SPOCK3: variants seen among roughly 807,000 people sequenced by gnomAD.
SPOCK3 encodes the protein SPARC (osteonectin), cwcv and kazal like domains proteoglycan 3, also known as testican-3.
In SPOCK3, 30 loss-of-function variants were observed where a neutral mutation model predicts 56.6. That is an observed-to-expected ratio of 0.53 (90% CI 0.40 to 0.72). The LOEUF (loss-of-function observed/expected upper bound fraction) is 0.72. SPOCK3 is among the 30% of genes least tolerant of loss of function. The pLI, the probability that SPOCK3 is intolerant of heterozygous loss-of-function variation, is 0.00. For missense variants in SPOCK3, 527 were observed against 530.0 expected (o/e 0.99, Z 0.06); for synonymous variants, 196 against 183.3 (o/e 1.07, Z -0.56).
At chr4:166,906,421 C>T (rs1417199494) in intron 5 of SPOCK3, among the ~76,000 whole-genome samples, 15 of 150,450 alleles carry the variant, frequency 1.0e-4, no homozygotes, top group Admixed American at 9.3e-4. Flanking sequence ...TTTCCCATCT[C>T]TGCTTCTCAA....
intron 2 of SPOCK3, among the ~76,000 whole-genome samples, chr4:167,194,156 T>C (rs1305996587): frequency 8.0e-6 from 1 of 125,724 alleles, no homozygotes; most frequent in Non-Finnish European, 1.7e-5. Flanking sequence ...TTGAGTTCAC[T>C]GATTCTTTTA....
In SPOCK3 at chr4:167,205,310, T is replaced by TAG. The variant is rs1734007188; in HGVS notation, c.189+28674_189+28675insCT. Among the ~76,000 whole-genome samples the TAG allele has an allele frequency of 5.3e-5, 3 of 56,852 alleles. 1 individual carries two copies. The highest frequency in any genetic ancestry group is 2.2e-4 in the African/African-American group (3 of 13,760). The allele number at this position is 56,852 out of a possible 152,430, so 37.3% of individuals were successfully genotyped here. ...TATTTTATATCTATAATATATATTA[T>TAG]ATATTTTATATATATAATATATATT... On this transcript the variant is annotated intron_variant, in intron 2 of 10. Coordinates refer to ENST00000357545, the MANE Select transcript of SPOCK3 (RefSeq NM_001040159.2).
intron 6 of SPOCK3, among the ~76,000 whole-genome samples, chr4:166,888,737 TTGAC>T (rs1415347583): frequency 1.3e-5 from 2 of 152,050 alleles, no homozygotes; most frequent in Admixed American, 1.3e-4. Flanking sequence ...TTAGTATTAA[TTGAC>T]TGAGCAGTTG....
rs1732434084 is a variant in SPOCK3 at position 167,191,069 on chromosome 4, G to T, written c.189+42916C>A. ...GAAATCAGGAAGTGTAAGGCTTCCAGCTTTGTTCTTCTTTCTAATCACTAT... is the reference window on the plus strand; with the variant it reads ...GAAATCAGGAAGTGTAAGGCTTCCATCTTTGTTCTTCTTTCTAATCACTAT... On this transcript the variant is annotated intron_variant, in intron 2 of 10. Coordinates refer to ENST00000357545, the MANE Select transcript of SPOCK3 (RefSeq NM_001040159.2). 4.1e-5 allele frequency among the ~76,000 whole-genome samples: 6 copies of T among 145,480 alleles called. 3 individuals are homozygous for T. In the Admixed American group the frequency reaches 4.2e-4, roughly 10 times the overall value.
At chr4:167,049,999 C>G (rs1580123977) in intron 3 of SPOCK3, among the ~76,000 whole-genome samples, 1 of 152,314 alleles carries the variant, frequency 6.6e-6, no homozygotes, top group East Asian at 1.9e-4. Flanking sequence ...CTCCGCTACA[C>G]CACTTACTAG....
chr4:167,148,980 ATTAAT>A (rs1340533437), intron 2 of SPOCK3, among the ~76,000 whole-genome samples: 1 of 152,166 alleles, frequency 6.6e-6, no homozygotes, highest in Non-Finnish European at 1.5e-5. Flanking sequence ...TGAAGGATGT[ATTAAT>A]TTGAGTAATT....
chr4:167,118,409 CTTAA>C (rs1761606380), intron 2 of SPOCK3, among the ~76,000 whole-genome samples: 1 of 152,116 alleles, frequency 6.6e-6, no homozygotes, highest in South Asian at 2.1e-4. Context: ...AAAGTTCACT[CTTAA>C]TTAAATAAAT....
Position 166,889,230 on chromosome 4 carries a change from A to C in SPOCK3, c.489T>G (p.Tyr163Ter), listed in dbSNP as rs1412283511. ...TCTGTTTTCCTAAGACACATGCCTG[A>C]TATTCTAGTTTGCACTGTATAAAAA... ...HTYSFQCKLE[Y>*]QACVLGKQIS... The change falls in exon 6 of 11, where the codon TAT becomes TAG. Residue 163 changes from tyrosine (Y) to a stop codon, truncating the protein, a stop_gained. Transcript: ENST00000357545. LOFTEE classifies it high-confidence loss of function. 1 of 1,607,418 alleles carries C rather than the reference A, an allele frequency of 6.2e-7. No homozygotes were observed.
At chr4:166,747,663 G>A (rs951490205) in intron 8 of SPOCK3, among the ~76,000 whole-genome samples, 2 of 152,102 alleles carry the variant, frequency 1.3e-5, no homozygotes, top group African/African-American at 2.4e-5. Flanking sequence ...GGAAATAAAG[G>A]ATATTCAATT....
chr4:166,947,590 T>A (rs1456608856), intron 4 of SPOCK3, among the ~76,000 whole-genome samples: 1 of 152,114 alleles, frequency 6.6e-6, no homozygotes, highest in East Asian at 1.9e-4. Flanking sequence ...CATTGGCAAT[T>A]TAAAAAAAAG....
chr4:166,787,470 A>T (rs1740853089), intron 7 of SPOCK3, among the ~76,000 whole-genome samples: 1 of 152,052 alleles, frequency 6.6e-6, no homozygotes, highest in South Asian at 2.1e-4. Flanking sequence ...TAATTTTCTG[A>T]TTTTAATTAC....
intron 3 of SPOCK3, among the ~76,000 whole-genome samples, chr4:167,059,710 T>C (rs1755363224): frequency 1.3e-5 from 2 of 152,192 alleles, no homozygotes; most frequent in South Asian, 4.1e-4. Context: ...CACCTATGTT[T>C]ATTGCGGCAC....
At chr4:167,205,224 T>A (rs1561320680) in intron 2 of SPOCK3, among the ~76,000 whole-genome samples, 3 of 98,542 alleles carry the variant, frequency 3.0e-5, no homozygotes, top group African/African-American at 8.3e-5. Context: ...ATTATATATT[T>A]TATATCTATA....
chr4:166,766,318 G>C (rs1738043674), intron 7 of SPOCK3, among the ~76,000 whole-genome samples: 2 of 152,116 alleles, frequency 1.3e-5, no homozygotes, highest in South Asian at 4.1e-4. Flanking sequence ...GATATTGGCT[G>C]TTGGTTTGTC....
At chr4:166,993,323 A>G (rs917306601) in intron 4 of SPOCK3, among the ~76,000 whole-genome samples, 3 of 152,194 alleles carry the variant, frequency 2.0e-5, no homozygotes, top group Non-Finnish European at 4.4e-5. Flanking sequence ...TCTAGTGCCT[A>G]TGAATCCTTC....
intron 5 of SPOCK3, among the ~76,000 whole-genome samples, chr4:166,909,399 C>T (rs1338486360): frequency 6.6e-6 from 1 of 152,080 alleles, no homozygotes; most frequent in Non-Finnish European, 1.5e-5. Context: ...CACCTGACCT[C>T]ACCTCCAGTT....
At chr4:166,767,296 G>C (rs1363556226) in intron 7 of SPOCK3, among the ~76,000 whole-genome samples, 1 of 151,776 alleles carries the variant, frequency 6.6e-6, no homozygotes, top group Non-Finnish European at 1.5e-5. Context: ...GTCAATTTTA[G>C]CTCTTTCCTG....
At chr4:166,941,701 C>T (rs897740846) in intron 4 of SPOCK3, among the ~76,000 whole-genome samples, 1 of 152,146 alleles carries the variant, frequency 6.6e-6, no homozygotes, top group African/African-American at 2.4e-5. Context: ...ACTGTGGTTG[C>T]CCTCAGTGGG....
intron 7 of SPOCK3, among the ~76,000 whole-genome samples, chr4:166,777,369 T>A (rs1739672399): frequency 6.6e-6 from 1 of 152,198 alleles, no homozygotes; most frequent in Non-Finnish European, 1.5e-5. Flanking sequence ...TGCCAGCATG[T>A]ACATGTATAC....
Sources: gnomAD v4.1 joint callset for allele counts (sites outside exome capture counted in the v4.1 genomes callset) on GRCh38, gnomAD v4.1.1 for gene constraint, MANE v1.5 for transcripts, NCBI Gene and HGNC (gene_info 2026-07-23, HGNC 2026-07-21) for gene names.